The following GHR variants were observed in gnomAD, a reference collection of about 807,000 sequenced individuals.
The protein encoded by GHR is GH receptor.
A neutral mutation model predicts 67.1 loss-of-function variants in GHR; 35 were observed. The ratio of observed to expected loss-of-function variants is 0.52; its 90% CI spans 0.40 to 0.69. The LOEUF is 0.69. GHR is among the 30% of genes least tolerant of loss of function. The probability of loss-of-function intolerance (pLI) is 0.00; values close to 1 mark genes in which losing one functional copy is unlikely to be tolerated. For missense variants in GHR, 792 were observed against 764.6 expected (o/e 1.04, Z -0.42); for synonymous variants, 272 against 269.1 (o/e 1.01, Z -0.10).
At chr5:42,709,748 G>A (rs1273386443) in intron 6 of GHR, among the ~76,000 whole-genome samples, 1 of 152,146 alleles carries the variant, frequency 6.6e-6, no homozygotes, top group Non-Finnish European at 1.5e-5. Flanking sequence ...GTGGGGAAAA[G>A]TACCAGCAAA....
At chr5:42,698,535 T>C (rs1757784132) in intron 5 of GHR, among the ~76,000 whole-genome samples, 1 of 152,182 alleles carries the variant, frequency 6.6e-6, no homozygotes, top group South Asian at 2.1e-4. Context: ...TCATGATTCA[T>C]CAAATTTTGA....
intron 3 of GHR, among the ~76,000 whole-genome samples, chr5:42,670,872 A>ATATATATAT (rs1454194507): frequency 2.3e-3 from 209 of 91,258 alleles, no homozygotes; most frequent in African/African-American, 8.0e-3. Flanking sequence ...AATTAAAAAA[A>ATATATATAT]AAAAAAAAAT....
At chr5:42,658,619 C>T (rs571517476) in intron 3 of GHR, among the ~76,000 whole-genome samples, 2 of 152,068 alleles carry the variant, frequency 1.3e-5, no homozygotes, top group South Asian at 4.1e-4. Context: ...AATTCTCATA[C>T]CATAGTGGTT....
In GHR at chr5:42,465,164, G is replaced by A. The variant is rs1382700198; in HGVS notation, c.-12+41209G>A. Among the ~76,000 whole-genome samples the A allele has an allele frequency of 2.0e-5, 3 of 152,188 alleles. No individual in the cohort carries two copies. The East Asian group carries it at 5.8e-4, about 29-fold the overall frequency. Reference sequence around the variant, plus strand: ...AAAAGCAGAGGGGTCCCATGGTTTGGAACAAGTATCTGAGTCAAGAGTTGA... The same window carrying A: ...AAAAGCAGAGGGGTCCCATGGTTTGAAACAAGTATCTGAGTCAAGAGTTGA... On this transcript the variant is annotated intron_variant, in intron 1 of 9. Coordinates refer to ENST00000230882, the MANE Select transcript of GHR (RefSeq NM_000163.5).
intron 2 of GHR, among the ~76,000 whole-genome samples, chr5:42,619,396 A>G (rs1279229590): frequency 6.6e-6 from 1 of 151,978 alleles, no homozygotes; most frequent in Admixed American, 6.6e-5. Flanking sequence ...ATGTTCTTCC[A>G]CAAAACATCT....
rs1183701439 is a variant in GHR at position 42,468,770 on chromosome 5, C to T, written c.-12+44815C>T. ...GCTTCTTTTTTCTTGTTCTCTCCTG[C>T]CTTCAGCACCTCGAAGGGGTCCGAT... On this transcript the variant is annotated intron_variant, in intron 1 of 9. Coordinates refer to ENST00000230882, the MANE Select transcript of GHR (RefSeq NM_000163.5). 5 of 1,070,432 alleles carry T rather than the reference C, an allele frequency of 4.7e-6. No individual in the cohort carries two copies. In the Admixed American group the frequency reaches 9.0e-5, roughly 19 times the overall value. 66.3% of individuals were successfully genotyped at this position (1,070,432 alleles called of 1,614,324 possible).
At chr5:42,478,109 C>A (rs1198378151) in intron 1 of GHR, among the ~76,000 whole-genome samples, 1 of 152,180 alleles carries the variant, frequency 6.6e-6, no homozygotes, top group South Asian at 2.1e-4. Flanking sequence ...TATGGCTAGC[C>A]AGTATTCCCA....
chr5:42,546,644 T>A (rs147359678), intron 1 of GHR, among the ~76,000 whole-genome samples: 5 of 152,324 alleles, frequency 3.3e-5, no homozygotes, highest in Non-Finnish European at 5.9e-5. Flanking sequence ...TGGTATTAAT[T>A]CCATGTGCTA....
intron 3 of GHR, among the ~76,000 whole-genome samples, chr5:42,632,999 G>A (rs1441050106): frequency 2.0e-5 from 3 of 152,188 alleles, no homozygotes; most frequent in African/African-American, 7.2e-5. Context: ...CACGTTCTTT[G>A]TAGTTTTTCA....
chr5:42,497,765 A>T (rs190895005), intron 1 of GHR, among the ~76,000 whole-genome samples: 4 of 152,224 alleles, frequency 2.6e-5, no homozygotes, highest in Non-Finnish European at 4.4e-5. Flanking sequence ...ACTGCTGGCT[A>T]TGAAAGGGAT....
intron 3 of GHR, among the ~76,000 whole-genome samples, chr5:42,680,860 T>A (rs980238583): frequency 3.3e-5 from 5 of 151,544 alleles, no homozygotes; most frequent in African/African-American, 1.2e-4. Flanking sequence ...ATTATTTTTT[T>A]TTATTATACT....
chr5:42,520,808 C>T (rs138074305), intron 1 of GHR, among the ~76,000 whole-genome samples: 1 of 152,136 alleles, frequency 6.6e-6, no homozygotes, highest in East Asian at 1.9e-4. Flanking sequence ...GAATGCTTCA[C>T]CCTCAGACTT....
chr5:42,504,689 G>GTC (rs1746682068), intron 1 of GHR, among the ~76,000 whole-genome samples: 2 of 152,078 alleles, frequency 1.3e-5, no homozygotes, highest in Admixed American at 1.3e-4. Context: ...AACCCAGGAG[G>GTC]CGGAGGTTGC....
intron 1 of GHR, among the ~76,000 whole-genome samples, chr5:42,453,070 A>AT (rs1561311611): frequency 4.1e-5 from 6 of 147,930 alleles, no homozygotes; most frequent in African/African-American, 1.5e-4. Flanking sequence ...TTAATTTCTT[A>AT]TTTTTTCTTT....
Position 42,561,383 on chromosome 5 carries a change from A to G in GHR, c.-11-4481A>G, listed in dbSNP as rs367689746. On this transcript the variant is annotated intron_variant, in intron 1 of 9. Coordinates refer to ENST00000230882, the MANE Select transcript of GHR (RefSeq NM_000163.5). ...GCCTTGCTCAGTGTTAGCAGGAACT[A>G]GTAGTTTAACAAATACTTGCTAATT... 2.6e-5 allele frequency among the ~76,000 whole-genome samples: 4 copies of G among 152,348 alleles called. No individual in the cohort carries two copies. In the South Asian group the frequency reaches 8.3e-4, roughly 32 times the overall value.
chr5:42,602,351 C>A (rs1752419506), intron 2 of GHR, among the ~76,000 whole-genome samples: 1 of 152,160 alleles, frequency 6.6e-6, no homozygotes, highest in South Asian at 2.1e-4. Flanking sequence ...GGGGCCGTAC[C>A]ATTTGCATGG....
intron 2 of GHR, among the ~76,000 whole-genome samples, chr5:42,593,416 T>G (rs1751895710): frequency 1.3e-5 from 2 of 152,220 alleles, no homozygotes; most frequent in Non-Finnish European, 2.9e-5. Context: ...AGTCACTATT[T>G]TTGTACAAAT....
At chr5:42,529,999 C>CTTTTTT (rs376534691) in intron 1 of GHR, among the ~76,000 whole-genome samples, 508 of 57,204 alleles carry the variant, frequency 8.9e-3, no homozygotes, top group Middle Eastern at 0.029. Flanking sequence ...TGAATCACTT[C>CTTTTTT]TTTTTTTTTT....
At chr5:42,614,950 CTGTG>C (rs1022060551) in intron 2 of GHR, among the ~76,000 whole-genome samples, 2 of 151,956 alleles carry the variant, frequency 1.3e-5, no homozygotes, top group Non-Finnish European at 2.9e-5. Flanking sequence ...ATGTTTATCC[CTGTG>C]TAAGATCTCC....
Sources: gnomAD v4.1 joint callset for allele counts (sites outside exome capture counted in the v4.1 genomes callset) on GRCh38, gnomAD v4.1.1 for gene constraint, MANE v1.5 for transcripts, NCBI Gene and HGNC (gene_info 2026-07-23, HGNC 2026-07-21) for gene names.